The following PEAK1 variants were observed in gnomAD, a reference collection of about 807,000 sequenced individuals.
PEAK1 encodes pseudopodium enriched atypical kinase 1, also known as inactive tyrosine-protein kinase PEAK1.
PEAK1 carries 54 observed loss-of-function variants against 124.7 expected under a neutral mutation model. The observed-to-expected ratio is 0.43, with a 90% confidence interval of 0.35 to 0.54. PEAK1 has a LOEUF of 0.54. Ranked by LOEUF, PEAK1 falls within the 20% of genes least tolerant of loss-of-function variation. PEAK1 has a pLI of 0.01. For synonymous variants in PEAK1, 719 were observed against 760.0 expected (o/e 0.95, Z 0.89); for missense variants, 2,046 against 2,134.5 (o/e 0.96, Z 0.82).
chr15:77,325,884 G>GTTAAAGTTGGAGAATGGACTAAGATT (rs1359563876), intron 2 of PEAK1, among the ~76,000 whole-genome samples: 1 of 151,888 alleles, frequency 6.6e-6, no homozygotes, highest in Admixed American at 6.6e-5. Context: ...CTTATATAAA[G>GTTAAAGTTGGAGAATGGACTAAGATT]TTAAAGTTGG....
rs772058307 is a variant in PEAK1 at position 77,114,759 on chromosome 15, A to C, written c.4638T>G (p.Ser1546=). 1.9e-6 allele frequency: 3 copies of C among 1,613,062 alleles called. No individual in the cohort carries two copies. In the Middle Eastern group the frequency reaches 5.0e-4, roughly 266 times the overall value. ...TGCTCACTATAAGCCTAGTGGGATA[A>C]GATGAGGTGGGGCTGGGCTCTGCAG... ...FGPAEPSPTS[S]YPTRLIVSNF... Residue 1546 remains serine (S), a synonymous_variant, in exon 10 of 10, where the codon TCT becomes TCG. Transcript: ENST00000682557.
At chr15:77,376,675 AGAG>A (rs2069055392) in intron 1 of PEAK1, among the ~76,000 whole-genome samples, 1 of 152,230 alleles carries the variant, frequency 6.6e-6, no homozygotes. Context: ...AAAAATTTAA[AGAG>A]TAGTTTATGA....
At position 77,133,130 on chromosome 15, in the gene PEAK1, G is replaced by T; in HGVS notation, c.3952C>A (p.Arg1318Ser). The T allele has an allele frequency of 6.2e-7, 1 of 1,614,176 alleles. No individual in the cohort carries two copies. Among genetic ancestry groups the T allele is most frequent in the Non-Finnish European group, 8.5e-7 (1 of 1,180,026 alleles). ...TCTGACCAGCTGTCCACTCCAAAACGGAGCTGGTCTTTCTGCCCAGCCATG... is the reference window on the plus strand; with the variant it reads ...TCTGACCAGCTGTCCACTCCAAAACTGAGCTGGTCTTTCTGCCCAGCCATG... ...LFMAGQKDQL[R>S]FGVDSWSDFR... The change falls in exon 9 of 10, where the codon CGT becomes AGT. Residue 1318 changes from arginine (R) to serine (S), a missense_variant. Physicochemically the swap from Arg to Ser is moderately radical, Grantham distance 110 (BLOSUM62 -1). Transcript: ENST00000682557. This position sits in a 1 kb window ranked among gnomAD's most constrained non-coding sequence, Gnocchi z 4.2.
At chr15:77,280,256 G>A (rs993842130) in intron 5 of PEAK1, among the ~76,000 whole-genome samples, 3 of 152,086 alleles carry the variant, frequency 2.0e-5, no homozygotes, top group Admixed American at 6.5e-5. Context: ...TACAAGAATC[G>A]CTTGAAAACG....
intron 8 of PEAK1, among the ~76,000 whole-genome samples, chr15:77,148,549 T>C (rs562023648): frequency 6.6e-6 from 1 of 152,320 alleles, no homozygotes; most frequent in East Asian, 1.9e-4. Context: ...GTTGTTCTGC[T>C]TATTTAAGCC....
chr15:77,184,082 G>C (rs897559141), intron 6 of PEAK1, among the ~76,000 whole-genome samples: 3 of 151,500 alleles, frequency 2.0e-5, no homozygotes, highest in Admixed American at 6.6e-5. Context: ...CAGCTGCCTC[G>C]GCCTCCCCAA....
intron 6 of PEAK1, among the ~76,000 whole-genome samples, chr15:77,210,896 C>T (rs1290394540): frequency 6.6e-6 from 1 of 152,146 alleles, no homozygotes. Context: ...TCTCAAAAAA[C>T]AAAAACAAAA....
chr15:77,318,578 C>A (rs972429556), intron 2 of PEAK1, among the ~76,000 whole-genome samples: 1 of 151,740 alleles, frequency 6.6e-6, no homozygotes, highest in Non-Finnish European at 1.5e-5. Context: ...GGTATGTGAA[C>A]AGAGAGAATG....
Position 77,318,056 on chromosome 15 carries a change from C to T in PEAK1, c.-602-31552G>A, listed in dbSNP as rs116355723. ...CAGGGGGAGGGAAGATTGAGGGTAA[C>T]TATAAAGGGGTAGCATAAGGGAGAT... On this transcript the variant is annotated intron_variant, in intron 2 of 9. Coordinates refer to ENST00000682557, the MANE Select transcript of PEAK1 (RefSeq NM_001385026.1). 1.4e-3 allele frequency among the ~76,000 whole-genome samples: 217 copies of T among 152,118 alleles called. 2 individuals are homozygous for T. The highest frequency in any genetic ancestry group is 5.1e-3 in the African/African-American group (211 of 41,502).
At chr15:77,356,385 C>A (rs565886576) in intron 2 of PEAK1, among the ~76,000 whole-genome samples, 3 of 152,134 alleles carry the variant, frequency 2.0e-5, no homozygotes, top group Admixed American at 2.0e-4. Flanking sequence ...GGCTGTAAAA[C>A]AACAGGATTT....
At chr15:77,199,233 A>G (rs552516838) in intron 6 of PEAK1, among the ~76,000 whole-genome samples, 1 of 152,342 alleles carries the variant, frequency 6.6e-6, no homozygotes, top group African/African-American at 2.4e-5. Flanking sequence ...CTGAAGTCAG[A>G]AAGTACTTTG....
chr15:77,227,102 G>A (rs767109108), intron 6 of PEAK1, among the ~76,000 whole-genome samples: 27 of 152,280 alleles, frequency 1.8e-4, no homozygotes, highest in Middle Eastern at 6.8e-3. Context: ...CTGAGAGGGG[G>A]CTCAAACATC....
In PEAK1 at chr15:77,404,698, G is replaced by A. The variant is rs898416366; in HGVS notation, c.-666+15308C>T. 4.4e-5 allele frequency: 42 copies of A among 949,334 alleles called. No homozygotes were observed. In the African/African-American group the frequency reaches 6.9e-4, roughly 16 times the overall value. 58.8% of individuals were successfully genotyped at this position (949,334 alleles called of 1,614,324 possible). A position where few individuals can be genotyped will look rare whatever the true frequency, so the allele number is the denominator to read the frequency against. ...AGTCTGCTGTACTAATATATTTGGAGAATGATCATAGGAGAAGTAGGAGGT... is the reference window on the plus strand; with the variant it reads ...AGTCTGCTGTACTAATATATTTGGAAAATGATCATAGGAGAAGTAGGAGGT... On this transcript the variant is annotated intron_variant, in intron 1 of 9. Transcript: ENST00000682557.
intron 6 of PEAK1, among the ~76,000 whole-genome samples, chr15:77,228,306 C>T (rs577408579): frequency 1.2e-4 from 18 of 152,056 alleles, no homozygotes; most frequent in South Asian, 2.1e-4. Context: ...CATGTACTTT[C>T]GAGTGGGCTC....
intron 6 of PEAK1, among the ~76,000 whole-genome samples, chr15:77,238,535 G>T (rs879445642): frequency 3.3e-5 from 5 of 152,012 alleles, no homozygotes; most frequent in African/African-American, 4.8e-5. Flanking sequence ...CATTTATATA[G>T]TTTGGTACTC....
At chr15:77,253,374 A>C (rs550861335) in intron 5 of PEAK1, among the ~76,000 whole-genome samples, 1 of 152,228 alleles carries the variant, frequency 6.6e-6, no homozygotes, top group Non-Finnish European at 1.5e-5. Context: ...AAAACCTCAT[A>C]ATGATACCAT....
intron 2 of PEAK1, among the ~76,000 whole-genome samples, chr15:77,356,337 C>T (rs547705441): frequency 6.6e-6 from 1 of 151,762 alleles, no homozygotes; most frequent in African/African-American, 2.4e-5. Flanking sequence ...ATTCAACTGG[C>T]AAAATTTAAA....
intron 5 of PEAK1, among the ~76,000 whole-genome samples, chr15:77,262,817 A>C (rs11857804): frequency 0.21 from 32,588 of 151,928 alleles, 3,962 homozygotes; most frequent in Middle Eastern, 0.3. Context: ...TCAGCACCAC[A>C]CCACACCTAT....
chr15:77,158,671 C>A lies in PEAK1; in HGVS notation c.3163G>T (p.Asp1055Tyr). The part of the protein sequence containing the change: ...LSHMTHEVTE[D>Y]FSPRDPRTVV... ...GTTCTTGGATCCCGAGGAGAAAAATCCTCTGTTACTTCATGGGTCATGTGA... is the reference window on the plus strand; with the variant it reads ...GTTCTTGGATCCCGAGGAGAAAAATACTCTGTTACTTCATGGGTCATGTGA... Residue 1055 changes from aspartate (D) to tyrosine (Y), a missense_variant, in exon 8 of 10, where the codon GAT becomes TAT. Asp to Tyr is a radical substitution (Grantham distance 160). Coordinates refer to ENST00000682557, the MANE Select transcript of PEAK1 (RefSeq NM_001385026.1). 2 of 1,614,086 alleles carry A rather than the reference C, an allele frequency of 1.2e-6. No individual in the cohort carries two copies. The highest frequency in any genetic ancestry group is 1.7e-6 in the Non-Finnish European group (2 of 1,179,946).
Sources: allele counts gnomAD v4.1 joint callset (sites outside exome capture counted in the v4.1 genomes callset), GRCh38; gene constraint gnomAD v4.1.1; non-coding constraint Gnocchi (gnomAD v3.1); transcripts MANE v1.5; gene names NCBI Gene and HGNC (gene_info 2026-07-23, HGNC 2026-07-21).